Variants in ZNF195 observed in about 807,000 individuals in gnomAD.
The protein encoded by ZNF195 is zinc finger protein 195, also known as hypoxia-regulated factor-1.
ZNF195 carries 11 observed loss-of-function variants against 19.5 expected under a neutral mutation model. The ratio of observed to expected loss-of-function variants is 0.57; its 90% CI spans 0.36 to 0.94. ZNF195 has a LOEUF of 0.94. ZNF195 is among the 40% of genes least tolerant of loss of function. The probability of loss-of-function intolerance (pLI) is 0.01; values close to 1 mark genes in which losing one functional copy is unlikely to be tolerated. For missense variants in ZNF195, 582 were observed against 709.0 expected, an observed-to-expected ratio of 0.82 and a Z score of 2.03; for synonymous variants, 214 against 248.1, an observed-to-expected ratio of 0.86 and a Z score of 1.29.
At chr11:3,372,695 C>T (rs1216203502) in intron 1 of ZNF195, among the ~76,000 whole-genome samples, 2 of 83,444 alleles carry the variant, frequency 2.4e-5, no homozygotes, top group African/African-American at 8.0e-5. Context: ...TGACAAATAT[C>T]TCCCAGGTTC....
intron 3 of ZNF195, chr11:3,368,922 A>T (rs1849041724): frequency 2.2e-6 from 1 of 446,058 alleles, no homozygotes; most frequent in Admixed American, 2.4e-5. Flanking sequence ...CATACTCAAA[A>T]ATTAACTTGA....
intron 3 of ZNF195, chr11:3,367,112 T>C (rs1404964161): frequency 6.3e-6 from 2 of 318,152 alleles, no homozygotes; most frequent in Non-Finnish European, 1.3e-5. Flanking sequence ...AAAAATGGAA[T>C]TATATGATCC....
At chr11:3,372,152 A>G (rs1025708222) in intron 1 of ZNF195, among the ~76,000 whole-genome samples, 1 of 152,196 alleles carries the variant, frequency 6.6e-6, no homozygotes. Flanking sequence ...CCCAAGGACA[A>G]TATTTTGTCA....
chr11:3,374,391 A>G (rs771985201), intron 1 of ZNF195, among the ~76,000 whole-genome samples: 17 of 152,244 alleles, frequency 1.1e-4, no homozygotes, highest in Non-Finnish European at 1.5e-4. Flanking sequence ...TGACCACAAC[A>G]TAAGTTCTTC....
At position 3,360,756 on chromosome 11, in the gene ZNF195, T is replaced by C; in HGVS notation, c.406A>G (p.Lys136Glu). Residue 136 changes from lysine (K) to glutamate (E), a missense_variant, in exon 5 of 6, where the codon AAA becomes GAA. Lys to Glu is a moderately conservative substitution (Grantham distance 56, BLOSUM62 1). Around this residue, in one of 3 missense-constraint regions of ZNF195, gnomAD observed 129 missense variants for 112.1 expected, o/e 1.15. Transcript: ENST00000399602. ...LCSPGVLQTVKWFLEFRCIFS... is the reference protein window; with the variant it reads ...LCSPGVLQTVEWFLEFRCIFS... ...ATGCATCTGAACTCTAAAAACCATT[T>C]CACAGTTTGCAGCACCCCAGGTGAG... 1 of 1,551,500 alleles carries C rather than the reference T, an allele frequency of 6.4e-7. No homozygotes were observed. Among genetic ancestry groups the C allele is most frequent in the South Asian group, 1.2e-5 (1 of 84,054 alleles).
At chr11:3,365,370 T>C (rs1327657013) in intron 3 of ZNF195, among the ~76,000 whole-genome samples, 2 of 152,252 alleles carry the variant, frequency 1.3e-5, no homozygotes, top group African/African-American at 4.8e-5. Context: ...TAGTGCATTG[T>C]GTTACAACAA....
chr11:3,358,762 G>GACCGTGCTCTAT lies in ZNF195; in HGVS notation c.*355_*356insATAGAGCACGGT. On this transcript the variant is annotated 3_prime_UTR_variant, in exon 6 of 6. Coordinates refer to ENST00000399602, the MANE Select transcript of ZNF195 (RefSeq NM_001130520.3). ...GGGATTCAGTGTCATTTCTGAACGT[G>GACCGTGCTCTAT]TCCTTGCTTATTTTTCCCATTTAGT... The GACCGTGCTCTAT allele has an allele frequency of 1.3e-5, 1 of 75,918 alleles. No homozygotes were observed. The highest frequency in any genetic ancestry group is 1.9e-4 in the Admixed American group (1 of 5,358). The allele number at this position is 75,918 out of a possible 1,614,324, so 4.7% of individuals were successfully genotyped here.
chr11:3,364,543 C>A (rs1848775217), intron 3 of ZNF195, among the ~76,000 whole-genome samples: 1 of 148,582 alleles, frequency 6.7e-6, no homozygotes, highest in Admixed American at 6.7e-5. Flanking sequence ...TAACAGCACA[C>A]TGGAGGGTGT....
Position 3,359,803 on chromosome 11 carries a change from C to T in ZNF195, c.1205G>A (p.Arg402Lys). 1 of 1,614,064 alleles carries T rather than the reference C, an allele frequency of 6.2e-7. No individual in the cohort carries two copies. The highest frequency in any genetic ancestry group is 1.3e-5 in the African/African-American group (1 of 75,018). ...NHSPNPSKHQ[R>K]NEIGGKPFKC... ...GAAAGGTTTCCCTCCAATCTCATTT[C>T]TCTGGTGTTTGGAAGGATTTGGGCT... The change falls in exon 6 of 6, where the codon AGA becomes AAA. Residue 402 changes from arginine to lysine, a missense_variant. Arg to Lys is a conservative substitution (Grantham distance 26). Transcript: ENST00000399602. This position sits in a 1 kb window ranked among gnomAD's most constrained non-coding sequence, Gnocchi z 5.5.
chr11:3,362,863 C>T (rs1848699634), intron 3 of ZNF195: 4 of 227,834 alleles, frequency 1.8e-5, no homozygotes, highest in Admixed American at 5.6e-5. Context: ...GATCTAATGA[C>T]AAAAAGAGAC....
intron 3 of ZNF195, chr11:3,368,790 A>G (rs1564921838): frequency 2.2e-6 from 1 of 454,430 alleles, no homozygotes. Context: ...TATCCACTTA[A>G]CTAATCTTTC....
chr11:3,370,814 G>A, intron 3 of ZNF195, 161 bp downstream of exon 3: 1 of 611,994 alleles, frequency 1.6e-6, no homozygotes, highest in Non-Finnish European at 2.9e-6. Flanking sequence ...GAGAGAATGA[G>A]ACAGAAGACG....
chr11:3,371,834 C>T, intron 1 of ZNF195, 131 bp from the exon 2 acceptor site: 1 of 1,096,108 alleles, frequency 9.1e-7, no homozygotes, highest in Non-Finnish European at 1.3e-6. Context: ...AGAATACTCT[C>T]TAACTCTGAG....
intron 3 of ZNF195, among the ~76,000 whole-genome samples, chr11:3,363,782 G>A (rs1177358617): frequency 1.3e-5 from 2 of 152,174 alleles, no homozygotes; most frequent in Admixed American, 6.5e-5. Context: ...CAAGGCGACC[G>A]TAATTAAAAC....
rs1354044971 is a variant in ZNF195, at chr11:3,359,238, G to A, written c.1770C>T (p.Ser590=). The A allele has an allele frequency of 5.0e-6, 8 of 1,613,940 alleles. No individual in the cohort carries two copies. Among genetic ancestry groups the A allele is most frequent in the South Asian group, 4.4e-5 (4 of 91,076 alleles). Residue 590 remains serine, a synonymous_variant, in exon 6 of 6, where the codon TCC becomes TCT. Coordinates refer to ENST00000399602, the MANE Select transcript of ZNF195 (RefSeq NM_001130520.3). This position sits in a 1 kb window ranked among gnomAD's most constrained non-coding sequence, Gnocchi z 5.5. The part of the protein sequence containing the change: ...CDECGKNFTQ[S]SNLIVHKRIH... ...TTCTCTTATGTACAATAAGGTTTGA[G>A]GACTGGGTAAAGTTTTTTCCACATT...
In ZNF195 at chr11:3,358,600, A is replaced by T. The variant is rs980659790; in HGVS notation, c.*518T>A. 3 of 152,262 alleles carry T rather than the reference A, an allele frequency of 2.0e-5. No homozygotes were observed. The highest frequency in any genetic ancestry group is 4.4e-5 in the Non-Finnish European group (3 of 68,064). 9.4% of individuals were successfully genotyped at this position (152,262 alleles called of 1,614,324 possible). Reference sequence around the variant, plus strand: ...ATGACATCAATATTCGCTTTTCAAAAATTTAACATTTTTTCAATGCAAAAA... The same window carrying T: ...ATGACATCAATATTCGCTTTTCAAATATTTAACATTTTTTCAATGCAAAAA... On this transcript the variant is annotated 3_prime_UTR_variant, in exon 6 of 6. Coordinates refer to ENST00000399602, the MANE Select transcript of ZNF195 (RefSeq NM_001130520.3).
intron 2 of ZNF195, 44 bp from the exon 3 acceptor site, chr11:3,371,114 C>G: frequency 1.3e-6 from 2 of 1,587,264 alleles, no homozygotes. Context: ...CTGAAATTCT[C>G]CAATTATCAA....
chr11:3,373,445 G>GAAAA, intron 1 of ZNF195: 1 of 726,868 alleles, frequency 1.4e-6, no homozygotes, highest in Admixed American at 2.4e-5. Flanking sequence ...ATTATTATAA[G>GAAAA]AAAAAAAAGT....
intron 3 of ZNF195, among the ~76,000 whole-genome samples, chr11:3,367,298 C>G (rs1848943820): frequency 1.3e-5 from 2 of 151,862 alleles, no homozygotes; most frequent in South Asian, 4.1e-4. Context: ...TATTATTCAA[C>G]CATAAAAACA....
Sources: gnomAD v4.1 joint callset for allele counts (sites outside exome capture counted in the v4.1 genomes callset) on GRCh38, gnomAD v4.1.1 for gene constraint, gnomAD v4.1.1 regional missense constraint, Gnocchi (gnomAD v3.1) non-coding constraint, MANE v1.5 for transcripts, NCBI Gene and HGNC (gene_info 2026-07-23, HGNC 2026-07-21) for gene names.